The following ASXL1 variants were observed in gnomAD, a reference collection of about 807,000 sequenced individuals.
The protein encoded by ASXL1 is ASXL transcriptional regulator 1.
A neutral mutation model predicts 89.1 loss-of-function variants in ASXL1; 65 were observed. The observed-to-expected ratio is 0.73, with a 90% CI of 0.60 to 0.90. ASXL1 has a LOEUF of 0.90. ASXL1 is among the 40% of genes least tolerant of loss of function. The pLI is 0.00. For missense variants in ASXL1, 1,786 were observed against 1,942.9 expected (o/e 0.92, Z 1.52); for synonymous variants, 739 against 746.9 (o/e 0.99, Z 0.17).
intron 4 of ASXL1, among the ~76,000 whole-genome samples, chr20:32,398,961 G>A (rs1600524186): frequency 1.3e-5 from 2 of 152,026 alleles, no homozygotes; most frequent in African/African-American, 4.8e-5. Flanking sequence ...GGTTGGGCCA[G>A]GGGTGGTGGC....
chr20:32,397,632 A>G (rs1023105381), intron 4 of ASXL1, among the ~76,000 whole-genome samples: 2 of 151,964 alleles, frequency 1.3e-5, no homozygotes, highest in African/African-American at 4.8e-5. Context: ...CCTGACCTCA[A>G]GTGATGCACC....
chr20:32,387,472 G>A (rs950604814), intron 4 of ASXL1, among the ~76,000 whole-genome samples: 1 of 152,160 alleles, frequency 6.6e-6, no homozygotes, highest in Non-Finnish European at 1.5e-5. Flanking sequence ...TTGTGGTTTT[G>A]TGACTTCACT....
intron 1 of ASXL1, chr20:32,360,442 G>C (rs1260019807): frequency 2.6e-5 from 4 of 152,676 alleles, no homozygotes; most frequent in South Asian, 2.1e-4. Context: ...TAGGCCTGAT[G>C]GGGAGTGGGA....
At position 32,402,287 on chromosome 20, in the gene ASXL1, T is replaced by G. The variant is rs1317215120; in HGVS notation, c.253-25841T>G. Among the ~76,000 whole-genome samples the G allele has an allele frequency of 3.3e-5, 5 of 152,300 alleles. No individual in the cohort carries two copies. In the East Asian group the frequency reaches 9.7e-4, roughly 29 times the overall value. The stretch of plus-strand genomic sequence containing the variant: ...TGTGGTTGGTCTCCAACTCCTAGGC[T>G]CAATCTATCCTCCTGCCTCAGCCTC... On this transcript the variant is annotated intron_variant, in intron 4 of 12. Transcript: ENST00000375687.
In ASXL1 at chr20:32,437,636, G is replaced by C; in HGVS notation, c.*298G>C. 2.1e-6 allele frequency: 1 copy of C among 473,034 alleles called. No individual in the cohort carries two copies. The highest frequency in any genetic ancestry group is 3.8e-6 in the Non-Finnish European group (1 of 261,792). The allele number at this position is 473,034 out of a possible 1,614,324, so 29.3% of individuals were successfully genotyped here. A position where few individuals can be genotyped will look rare whatever the true frequency, so the allele number is the denominator to read the frequency against. Reference sequence around the variant, plus strand: ...GTTGCGGGGGGTGGGGGGACTGCCTGACTCCCAGAGGGACTTGAAACTGAA... The same window carrying C: ...GTTGCGGGGGGTGGGGGGACTGCCTCACTCCCAGAGGGACTTGAAACTGAA... On this transcript the variant is annotated 3_prime_UTR_variant, in exon 13 of 13. Coordinates refer to ENST00000375687, the MANE Select transcript of ASXL1 (RefSeq NM_015338.6).
At chr20:32,401,561 C>CCCTT (rs796953849) in intron 4 of ASXL1, among the ~76,000 whole-genome samples, 1 of 137,920 alleles carries the variant, frequency 7.3e-6, no homozygotes, top group African/African-American at 2.9e-5. Flanking sequence ...CCCCCCCCCC[C>CCCTT]TTTTTTTTTT....
intron 4 of ASXL1, among the ~76,000 whole-genome samples, chr20:32,383,369 C>T (rs932778224): frequency 4.6e-5 from 7 of 151,700 alleles, no homozygotes; most frequent in African/African-American, 1.2e-4. Context: ...TGCAGTGGCG[C>T]GATCTCGGCT....
chr20:32,421,844 G>C (rs2049256674), intron 4 of ASXL1, among the ~76,000 whole-genome samples: 1 of 151,228 alleles, frequency 6.6e-6, no homozygotes, highest in Non-Finnish European at 1.5e-5. Flanking sequence ...GCCTTCGTGG[G>C]GTGAGAGGGG....
chr20:32,369,494 C>G (rs2048262176), intron 4 of ASXL1, among the ~76,000 whole-genome samples: 1 of 151,408 alleles, frequency 6.6e-6, no homozygotes, highest in Non-Finnish European at 1.5e-5. Context: ...TCAGGTGATC[C>G]ACCTACCTCG....
intron 4 of ASXL1, among the ~76,000 whole-genome samples, chr20:32,418,988 A>G (rs2049190648): frequency 6.6e-6 from 1 of 151,678 alleles, no homozygotes; most frequent in Admixed American, 6.6e-5. Flanking sequence ...GCACGCCACC[A>G]TGTCTGGCTA....
chr20:32,385,519 A>G (rs2048564571), intron 4 of ASXL1, among the ~76,000 whole-genome samples: 2 of 152,278 alleles, frequency 1.3e-5, no homozygotes, highest in Non-Finnish European at 1.5e-5. Flanking sequence ...TGCATTAGCT[A>G]ATTATTTTGT....
chr20:32,362,276 C>T (rs942573015), intron 1 of ASXL1, among the ~76,000 whole-genome samples: 3 of 152,158 alleles, frequency 2.0e-5, no homozygotes, highest in African/African-American at 4.8e-5. Flanking sequence ...TCCATGGGAA[C>T]GCTTTCAGAT....
intron 4 of ASXL1, among the ~76,000 whole-genome samples, chr20:32,409,997 T>G (rs2049017106): frequency 6.6e-6 from 1 of 152,222 alleles, no homozygotes; most frequent in Non-Finnish European, 1.5e-5. Context: ...CTTGATGCTT[T>G]TCATTATTAA....
chr20:32,372,826 C>T (rs906862453), intron 4 of ASXL1, among the ~76,000 whole-genome samples: 3 of 151,942 alleles, frequency 2.0e-5, no homozygotes, highest in Admixed American at 2.0e-4. Flanking sequence ...AACTCTTGAC[C>T]TCGTGATCCG....
chr20:32,376,011 A>C (rs545480505), intron 4 of ASXL1, among the ~76,000 whole-genome samples: 4 of 152,136 alleles, frequency 2.6e-5, no homozygotes, highest in Non-Finnish European at 4.4e-5. Context: ...AGGACTAATA[A>C]AAATGTAGAA....
chr20:32,358,564 G>T lies in ASXL1; in HGVS notation c.-212G>T, dbSNP rs1431829386. ...TGGGCGACTGACGCAGCGCGGGCGCGTGGAGCCGCCGCCGCCCCTCCCCCA... is the reference window on the plus strand; with the variant it reads ...TGGGCGACTGACGCAGCGCGGGCGCTTGGAGCCGCCGCCGCCCCTCCCCCA... On this transcript the variant is annotated 5_prime_UTR_variant, in exon 1 of 13. Coordinates refer to ENST00000375687, the MANE Select transcript of ASXL1 (RefSeq NM_015338.6). 1 of 206,796 alleles carries T rather than the reference G, an allele frequency of 4.8e-6. No individual in the cohort carries two copies. The highest frequency in any genetic ancestry group is 2.3e-5 in the African/African-American group (1 of 43,540). 12.8% of individuals were successfully genotyped at this position (206,796 alleles called of 1,614,324 possible).
chr20:32,376,691 T>A (rs2048383542), intron 4 of ASXL1, among the ~76,000 whole-genome samples: 1 of 151,748 alleles, frequency 6.6e-6, no homozygotes, highest in African/African-American at 2.4e-5. Context: ...AGGATAAGCT[T>A]ACGTGCAGAA....
intron 4 of ASXL1, among the ~76,000 whole-genome samples, chr20:32,425,192 GTTCA>G (rs747655334): frequency 2.6e-4 from 39 of 152,304 alleles, no homozygotes; most frequent in Admixed American, 3.9e-4. Context: ...AGTAGCTATA[GTTCA>G]TTCATTTTTT....
At chr20:32,399,747 CTTTTTTTTTTTTT>C (rs369127811) in intron 4 of ASXL1, among the ~76,000 whole-genome samples, 12 of 73,888 alleles carry the variant, frequency 1.6e-4, no homozygotes, top group African/African-American at 5.4e-4. Context: ...ATATTTTACT[CTTTTTTTTTTTTT>C]TTTTTTTTTT....
Sources: gnomAD v4.1 joint callset for allele counts (sites outside exome capture counted in the v4.1 genomes callset) on GRCh38, gnomAD v4.1.1 for gene constraint, MANE v1.5 for transcripts, NCBI Gene and HGNC (gene_info 2026-07-23, HGNC 2026-07-21) for gene names.